ANAPC15: variants seen among roughly 807,000 people sequenced by gnomAD.
The protein encoded by ANAPC15 is anaphase promoting complex subunit 15.
In ANAPC15, 13 loss-of-function variants were observed where a neutral mutation model predicts 19.8. That is an observed-to-expected ratio of 0.66 (90% confidence interval 0.43 to 1.04). The LOEUF is 1.04. ANAPC15 is among the 50% of genes least tolerant of loss of function. The probability of loss-of-function intolerance (pLI) is 0.00; values close to 1 mark genes in which losing one functional copy is unlikely to be tolerated. For missense variants in ANAPC15, 88 were observed against 150.3 expected (o/e 0.59, Z 2.17); for synonymous variants, 45 against 50.7 (o/e 0.89, Z 0.47).
downstream of ANAPC15, chr11:72,106,952 A>G (rs553986932): frequency 6.8e-4 from 105 of 154,856 alleles, 1 homozygote; most frequent in African/African-American, 1.2e-3. Context: ...AAAAAAAAAA[A>G]AAAAAGAAAA....
intron 4 of ANAPC15, 68 bp downstream of exon 4, chr11:72,110,476 T>A: frequency 6.2e-7 from 1 of 1,600,800 alleles, no homozygotes. Flanking sequence ...GACAGGACAT[T>A]CAGAATTAGA....
At chr11:72,110,704 G>A in intron 3 of ANAPC15, 101 bp from the exon 4 acceptor site, 2 of 1,282,038 alleles carry the variant, frequency 1.6e-6, no homozygotes, top group Non-Finnish European at 2.2e-6. Context: ...CACACGTGTT[G>A]GGGAGAAGCT....
chr11:72,109,145 G>A, downstream of ANAPC15: 1 of 565,558 alleles, frequency 1.8e-6, no homozygotes. Context: ...TTTCCAGAGA[G>A]AACCATGGAC....
chr11:72,106,474 G>A, downstream of ANAPC15: 1 of 371,246 alleles, frequency 2.7e-6, no homozygotes, highest in Non-Finnish European at 4.9e-6. Flanking sequence ...ACAAATGCTG[G>A]CCTCAAAGGA....
intron 4 of ANAPC15, 69 bp from the exon 5 acceptor site, chr11:72,110,294 G>A (rs1398886945): frequency 1.0e-5 from 16 of 1,604,506 alleles, no homozygotes; most frequent in Non-Finnish European, 1.3e-5. Context: ...TGACCCACTT[G>A]AGCCTCTCTC....
At chr11:72,110,252 C>T (rs1946363717) in intron 4 of ANAPC15, 27 bp from the exon 5 acceptor site, 1 of 1,611,424 alleles carries the variant, frequency 6.2e-7, no homozygotes. Flanking sequence ...AGCCTGTAAG[C>T]CCTACAGGCC....
At chr11:72,108,603 A>T (rs1591193815), downstream of ANAPC15, 5 of 1,451,360 alleles carry the variant, frequency 3.4e-6, no homozygotes, top group East Asian at 1.3e-4. Context: ...CTATCCCCAC[A>T]GGTGGAGCTC....
chr11:72,111,022 C>T (rs566343878), intron 3 of ANAPC15, 135 bp downstream of exon 3: 3 of 693,120 alleles, frequency 4.3e-6, no homozygotes, highest in East Asian at 5.1e-5. Flanking sequence ...CTCCCTGGCT[C>T]CCAGCCCGAT....
At chr11:72,108,019 C>G (rs1945873089), downstream of ANAPC15, 2 of 1,551,654 alleles carry the variant, frequency 1.3e-6, no homozygotes, top group Non-Finnish European at 1.7e-6. Flanking sequence ...ATTGCCCGAG[C>G]CCTGCCCCCT....
At chr11:72,109,089 C>G, downstream of ANAPC15, 1 of 624,858 alleles carries the variant, frequency 1.6e-6, no homozygotes, top group Non-Finnish European at 2.7e-6. Flanking sequence ...ACACTGACCT[C>G]AAGTGTCAAG....
chr11:72,107,664 G>A, downstream of ANAPC15: 2 of 619,570 alleles, frequency 3.2e-6, no homozygotes, highest in Admixed American at 5.4e-5. Flanking sequence ...AGAATCCCAA[G>A]TTCAATCCCA....
At chr11:72,112,442 G>A (rs1947272081) in intron 1 of ANAPC15, 6 of 270,072 alleles carry the variant, frequency 2.2e-5, no homozygotes, top group South Asian at 1.8e-4. Flanking sequence ...AATGCTGGGT[G>A]ACAGGAAGTG....
At chr11:72,112,186 A>G (rs1366737079) in intron 1 of ANAPC15, 1 of 153,902 alleles carries the variant, frequency 6.5e-6, no homozygotes, top group Admixed American at 6.5e-5. Flanking sequence ...CAGATTCCCA[A>G]CCCGCGTAAT....
At chr11:72,110,361 G>A in intron 4 of ANAPC15, 136 bp from the exon 5 acceptor site, 5 of 1,554,936 alleles carry the variant, frequency 3.2e-6, no homozygotes, top group Non-Finnish European at 4.4e-6. Flanking sequence ...TAGCAGGCTG[G>A]TGCATGTTCT....
downstream of ANAPC15, chr11:72,107,827 G>A (rs144484971): frequency 1.6e-4 from 216 of 1,382,368 alleles, no homozygotes; most frequent in African/African-American, 2.2e-3. Flanking sequence ...GGCTGGTTGG[G>A]AGCTGCAGTG....
rs926066352 is a variant in ANAPC15 at position 72,112,650 on chromosome 11, C to T, written c.-96G>A. 4.4e-6 allele frequency: 2 copies of T among 456,496 alleles called. No homozygotes were observed. The highest frequency in any genetic ancestry group is 8.8e-6 in the Non-Finnish European group (2 of 226,938). 28.3% of individuals were successfully genotyped at this position (456,496 alleles called of 1,614,324 possible). A position where few individuals can be genotyped will look rare whatever the true frequency, so the allele number is the denominator to read the frequency against. ...GTTGCAGCCTTGCGTCTGTACTTAC[C>T]GCGCCGGGAGGCTGCTGCCGGCGGC... On this transcript the variant is annotated splice_region_variant and 5_prime_UTR_variant, in exon 1 of 6. Transcript: ENST00000227618.
Position 72,112,660 on chromosome 11 carries a change from G to A in ANAPC15, c.-106C>T, listed in dbSNP as rs1455261641. ...TGCGTCTGTACTTACCGCGCCGGGA[G>A]GCTGCTGCCGGCGGCGACCCGGAAG... On this transcript the variant is annotated 5_prime_UTR_variant, in exon 1 of 6. Transcript: ENST00000227618. 4.4e-6 allele frequency: 2 copies of A among 456,704 alleles called. No homozygotes were observed. Among genetic ancestry groups the A allele is most frequent in the South Asian group, 1.5e-5 (1 of 64,560 alleles). 28.3% of individuals were successfully genotyped at this position (456,704 alleles called of 1,614,324 possible). A position where few individuals can be genotyped will look rare whatever the true frequency, so the allele number is the denominator to read the frequency against.
Position 72,109,939 on chromosome 11 carries a change from G to C in ANAPC15, c.319-11C>G. The C allele has an allele frequency of 1.2e-6, 2 of 1,614,072 alleles. No homozygotes were observed. Among genetic ancestry groups the C allele is most frequent in the Non-Finnish European group, 1.7e-6 (2 of 1,180,016 alleles). On this transcript the variant is annotated splice_polypyrimidine_tract_variant and intron_variant, in intron 5 of 5. Coordinates refer to ENST00000227618, the MANE Select transcript of ANAPC15 (RefSeq NM_014042.3). ...GCCTTCCATGTCCACCTGGAGAGGA[G>C]GCTGGGTGTGGGTGGGGAGGGGCCT...
chr11:72,111,343 G>A, intron 2 of ANAPC15, 57 bp from the exon 3 acceptor site: 1 of 1,389,290 alleles, frequency 7.2e-7, no homozygotes. Context: ...TAATTTGGTT[G>A]TAATTTGATT....
Sources: allele counts gnomAD v4.1 joint callset, GRCh38; gene constraint gnomAD v4.1.1; transcripts MANE v1.5; gene names NCBI Gene and HGNC (gene_info 2026-07-23, HGNC 2026-07-21).